The following GNAQ variants were observed in gnomAD, a reference collection of about 807,000 sequenced individuals.
The protein encoded by GNAQ is G protein subunit alpha q.
Under a neutral mutation model 43.9 loss-of-function variants are expected in GNAQ, and 8 were observed. The observed-to-expected ratio is 0.18, with a 90% CI of 0.11 to 0.33. GNAQ has a LOEUF of 0.33. Ranked by LOEUF, GNAQ falls within the 10% of genes least tolerant of loss-of-function variation. The probability of loss-of-function intolerance (pLI) is 1.00; values close to 1 mark genes in which losing one functional copy is unlikely to be tolerated. For synonymous variants in GNAQ, 155 were observed against 170.7 expected (o/e 0.91, Z 0.71); for missense variants, 158 against 450.8 (o/e 0.35, Z 5.88).
chr9:77,873,709 T>C (rs976234012), intron 2 of GNAQ, among the ~76,000 whole-genome samples: 3 of 152,186 alleles, frequency 2.0e-5, no homozygotes, highest in Non-Finnish European at 4.4e-5. Flanking sequence ...AAGCAAGATA[T>C]ACAAAAGCAG....
chr9:77,744,614 T>G (rs1298101811), intron 5 of GNAQ, among the ~76,000 whole-genome samples: 1 of 152,130 alleles, frequency 6.6e-6, no homozygotes, highest in African/African-American at 2.4e-5. Flanking sequence ...TGATTTAAAC[T>G]TTTAAAAGGA....
intron 1 of GNAQ, among the ~76,000 whole-genome samples, chr9:77,937,833 G>A (rs1280244684): frequency 6.6e-6 from 1 of 152,040 alleles, no homozygotes; most frequent in Non-Finnish European, 1.5e-5. Context: ...CGGAGGTTGC[G>A]GTGAGCTGAG....
chr9:77,815,148 G>A (rs1312083510), intron 3 of GNAQ, among the ~76,000 whole-genome samples: 2 of 152,196 alleles, frequency 1.3e-5, no homozygotes, highest in Non-Finnish European at 2.9e-5. Flanking sequence ...TTCTGGGTCT[G>A]AAAACTGGAA....
At chr9:77,948,072 C>T (rs1292320518) in intron 1 of GNAQ, among the ~76,000 whole-genome samples, 1 of 152,204 alleles carries the variant, frequency 6.6e-6, no homozygotes, top group African/African-American at 2.4e-5. Flanking sequence ...CAGGTGTTAA[C>T]TATTGTTATT....
chr9:78,003,812 T>TAAAA, intron 1 of GNAQ, among the ~76,000 whole-genome samples: 1 of 91,626 alleles, frequency 1.1e-5, no homozygotes, highest in Non-Finnish European at 2.2e-5. Context: ...CAAGACTGTC[T>TAAAA]AAAAAAAAAA....
At chr9:77,788,974 A>G (rs1354223857) in intron 5 of GNAQ, among the ~76,000 whole-genome samples, 2 of 152,204 alleles carry the variant, frequency 1.3e-5, no homozygotes, top group Non-Finnish European at 2.9e-5. Flanking sequence ...TGAAGAAGCT[A>G]ATTTGAGTAA....
chr9:77,965,851 A>AG (rs1296053791), intron 1 of GNAQ, among the ~76,000 whole-genome samples: 95 of 151,150 alleles, frequency 6.3e-4, no homozygotes, highest in African/African-American at 1.4e-3. Context: ...AAAAAAAAAA[A>AG]AAAGGCACGT....
intron 5 of GNAQ, among the ~76,000 whole-genome samples, chr9:77,761,256 CCTGT>C: frequency 7.1e-6 from 1 of 140,408 alleles, no homozygotes; most frequent in Non-Finnish European, 1.6e-5. Flanking sequence ...GGCCAGCCAC[CCTGT>C]CCGGGAGGGA....
chr9:77,906,086 T>C (rs868197090), intron 2 of GNAQ, among the ~76,000 whole-genome samples: 6 of 150,920 alleles, frequency 4.0e-5, no homozygotes, highest in Non-Finnish European at 5.9e-5. Context: ...ATCCCGGAAC[T>C]TAAAGTTAAA....
At chr9:77,771,495 T>C (rs190955558) in intron 5 of GNAQ, among the ~76,000 whole-genome samples, 1 of 152,332 alleles carries the variant, frequency 6.6e-6, no homozygotes, top group Non-Finnish European at 1.5e-5. Flanking sequence ...GAGAGATATA[T>C]TCCTCCTGTT....
At chr9:77,879,198 C>T (rs1828173572) in intron 2 of GNAQ, among the ~76,000 whole-genome samples, 1 of 152,046 alleles carries the variant, frequency 6.6e-6, no homozygotes, top group Non-Finnish European at 1.5e-5. Flanking sequence ...TTTTAAAGGA[C>T]TATTTTTTAA....
intron 3 of GNAQ, among the ~76,000 whole-genome samples, chr9:77,802,061 G>A (rs911761074): frequency 1.2e-4 from 18 of 152,172 alleles, no homozygotes; most frequent in African/African-American, 4.1e-4. Flanking sequence ...CAGCTACATC[G>A]GAGGCTTAGG....
At chr9:77,784,157 C>T (rs1323384477) in intron 5 of GNAQ, among the ~76,000 whole-genome samples, 3 of 151,052 alleles carry the variant, frequency 2.0e-5, no homozygotes, top group Non-Finnish European at 4.4e-5. Context: ...TCCTTTTTTC[C>T]CCTGCCAGAG....
intron 1 of GNAQ, among the ~76,000 whole-genome samples, chr9:78,014,758 A>C (rs1449015722): frequency 6.6e-6 from 1 of 152,228 alleles, no homozygotes; most frequent in Admixed American, 6.5e-5. Flanking sequence ...ATAAAAGGTA[A>C]TGCGGTAATG....
At chr9:77,923,444 C>T (rs1829027123) in intron 1 of GNAQ, among the ~76,000 whole-genome samples, 1 of 152,088 alleles carries the variant, frequency 6.6e-6, no homozygotes, top group African/African-American at 2.4e-5. Context: ...TATATATGTC[C>T]CTGGGAAGAA....
intron 1 of GNAQ, among the ~76,000 whole-genome samples, chr9:78,016,922 G>A (rs944482316): frequency 5.9e-5 from 9 of 151,868 alleles, no homozygotes; most frequent in African/African-American, 2.2e-4. Context: ...CATAATCCAA[G>A]GACAGCTAAA....
intron 1 of GNAQ, among the ~76,000 whole-genome samples, chr9:78,009,045 T>C (rs946965246): frequency 6.6e-6 from 1 of 152,234 alleles, no homozygotes; most frequent in Non-Finnish European, 1.5e-5. Context: ...AAGAACCACC[T>C]GCCTTAGGAG....
intron 1 of GNAQ, among the ~76,000 whole-genome samples, chr9:77,994,280 TC>T (rs1387809473): frequency 6.6e-6 from 1 of 152,194 alleles, no homozygotes; most frequent in African/African-American, 2.4e-5. Context: ...GCTCAAGTGA[TC>T]CTTCCACCTT....
chr9:77,906,463 A>G (rs1358119788), intron 2 of GNAQ, among the ~76,000 whole-genome samples: 1 of 152,170 alleles, frequency 6.6e-6, no homozygotes, highest in Non-Finnish European at 1.5e-5. Context: ...AAATGTGTGT[A>G]TTTTCTGACC....
Sources: gnomAD v4.1 joint callset for allele counts (sites outside exome capture counted in the v4.1 genomes callset) on GRCh38, gnomAD v4.1.1 for gene constraint, MANE v1.5 for transcripts, NCBI Gene and HGNC (gene_info 2026-07-23, HGNC 2026-07-21) for gene names.